Variants in EEA1 observed in about 807,000 individuals in gnomAD.
EEA1 encodes the protein early endosome antigen 1, 162kD.
EEA1 carries 111 observed loss-of-function variants against 209.2 expected under a neutral mutation model. The ratio of observed to expected loss-of-function variants is 0.53; its 90% CI spans 0.45 to 0.62. EEA1 has a LOEUF of 0.62. Ranked by LOEUF, EEA1 falls within the 20% of genes least tolerant of loss-of-function variation. EEA1 has a pLI of 0.00. For missense variants in EEA1, 1,343 were observed against 1,530.8 expected (o/e 0.88, Z 2.05); for synonymous variants, 536 against 540.6 (o/e 0.99, Z 0.12).
chr12:92,859,395 T>C, intron 3 of EEA1: 2 of 623,172 alleles, frequency 3.2e-6, no homozygotes, highest in South Asian at 4.0e-5. Context: ...TGATCAGTTG[T>C]AGTCACTCTA....
intron 9 of EEA1, among the ~76,000 whole-genome samples, chr12:92,843,838 G>A (rs1055853964): frequency 6.6e-6 from 1 of 151,964 alleles, no homozygotes; most frequent in Non-Finnish European, 1.5e-5. Flanking sequence ...TATTACAAAT[G>A]AGTGCTTTCA....
intron 10 of EEA1, among the ~76,000 whole-genome samples, chr12:92,839,088 C>T (rs1692671332): frequency 1.3e-5 from 2 of 152,186 alleles, no homozygotes; most frequent in Non-Finnish European, 2.9e-5. Flanking sequence ...GTATCCACCA[C>T]CATGAGCTTG....
intron 1 of EEA1, among the ~76,000 whole-genome samples, chr12:92,924,156 AAAC>A (rs909547591): frequency 6.6e-6 from 1 of 151,994 alleles, no homozygotes; most frequent in East Asian, 1.9e-4. Context: ...TAAACACCAA[AAAC>A]AACAACAAAA....
At position 92,864,713 on chromosome 12, in the gene EEA1, A is replaced by C. The variant is rs1434857408; in HGVS notation, c.245+147T>G. ...CAAGGATTGAATAGTTTTTAACAAT[A>C]GTGGAGGAAGGATATGCTAAATGAT... On this transcript the variant is annotated intron_variant, in intron 3 of 28. Transcript: ENST00000322349. The C allele has an allele frequency of 1.3e-5, 9 of 706,306 alleles. No homozygotes were observed. In the East Asian group the frequency reaches 3.2e-4, roughly 25 times the overall value. 43.8% of individuals were successfully genotyped at this position (706,306 alleles called of 1,614,324 possible).
In EEA1 at chr12:92,921,076, G is replaced by A. The variant is rs906620528; in HGVS notation, c.24+7967C>T. On this transcript the variant is annotated intron_variant, in intron 1 of 28. Coordinates refer to ENST00000322349, the MANE Select transcript of EEA1 (RefSeq NM_003566.4). ...ACCATCTCACACCAGTTAGAATGGC[G>A]ATCATTAAAAAGTCAGGAAACGAGA... is the stretch of plus-strand genomic sequence containing the variant. 5.6e-4 allele frequency among the ~76,000 whole-genome samples: 86 copies of A among 152,240 alleles called. 1 individual carries two copies. The highest frequency in any genetic ancestry group is 4.1e-4 in the South Asian group (2 of 4,822).
At chr12:92,788,092 A>C in intron 21 of EEA1, 43 bp from the exon 22 acceptor site, 1 of 1,418,210 alleles carries the variant, frequency 7.1e-7, no homozygotes, top group Admixed American at 2.7e-5. Context: ...GCATTCCAAA[A>C]ACCAATTACA....
intron 2 of EEA1, among the ~76,000 whole-genome samples, chr12:92,874,121 T>G (rs1480344167): frequency 6.6e-6 from 1 of 151,994 alleles, no homozygotes. Context: ...GAGACCTGCC[T>G]TGGCAACATG....
intron 1 of EEA1, among the ~76,000 whole-genome samples, chr12:92,898,731 CTTTTTTTTTTTTTTTT>C (rs772593153): frequency 6.6e-5 from 5 of 76,110 alleles, no homozygotes; most frequent in Non-Finnish European, 1.2e-4. Flanking sequence ...CTTTTTTTCC[CTTTTTTTTTTTTTTTT>C]TTTTTTTTTT....
intron 2 of EEA1, among the ~76,000 whole-genome samples, chr12:92,875,414 C>T (rs1232450432): frequency 1.3e-5 from 2 of 151,986 alleles, no homozygotes; most frequent in Non-Finnish European, 2.9e-5. Context: ...CCAGACTGGG[C>T]GACAGAGTGA....
intron 5 of EEA1, among the ~76,000 whole-genome samples, chr12:92,855,972 T>C (rs892211083): frequency 1.3e-5 from 2 of 152,242 alleles, no homozygotes; most frequent in Admixed American, 6.5e-5. Context: ...ACTCCTTTAA[T>C]GTTAACAGAA....
At chr12:92,891,033 T>C (rs958894756) in intron 2 of EEA1, among the ~76,000 whole-genome samples, 4 of 152,108 alleles carry the variant, frequency 2.6e-5, no homozygotes, top group Admixed American at 6.6e-5. Context: ...TATGGGTGAG[T>C]GTTATGTTCT....
At chr12:92,887,091 G>A (rs994912537) in intron 2 of EEA1, among the ~76,000 whole-genome samples, 1 of 151,990 alleles carries the variant, frequency 6.6e-6, no homozygotes, top group Non-Finnish European at 1.5e-5. Context: ...GAAAATTAAT[G>A]GCATATTAAA....
chr12:92,770,996 G>GGTGTGTGTGTGTGTGTGTGT lies in EEA1; in HGVS notation c.*4995_*5014dup, dbSNP rs57839500. ...ATAAAAATACTTTCTGGTTTTGATT[G>GGTGTGTGTGTGTGTGTGTGT]GTGTGTGTGTGTGTGTGTGTGTGTG... On this transcript the variant is annotated 3_prime_UTR_variant, in exon 29 of 29. Transcript: ENST00000322349. 1 of 150,264 alleles carries GGTGTGTGTGTGTGTGTGTGT rather than the reference G, an allele frequency of 6.7e-6. No individual in the cohort carries two copies. Among genetic ancestry groups the GGTGTGTGTGTGTGTGTGTGT allele is most frequent in the East Asian group, 1.9e-4 (1 of 5,130 alleles). The allele number at this position is 150,264 out of a possible 1,614,324, so 9.3% of individuals were successfully genotyped here. A position where few individuals can be genotyped will look rare whatever the true frequency, so the allele number is the denominator to read the frequency against.
At chr12:92,884,568 T>C (rs1391592594) in intron 2 of EEA1, 6 of 1,480,232 alleles carry the variant, frequency 4.1e-6, no homozygotes, top group Non-Finnish European at 5.6e-6. Context: ...TTTGGACCCA[T>C]GAAGGGAGGA....
At chr12:92,847,467 CAA>C (rs1877432586) in intron 9 of EEA1, among the ~76,000 whole-genome samples, 1 of 151,910 alleles carries the variant, frequency 6.6e-6, no homozygotes, top group Non-Finnish European at 1.5e-5. Context: ...AGCTAAAAAA[CAA>C]ATGCAGTTAT....
chr12:92,857,732 T>C (rs924328), intron 3 of EEA1, among the ~76,000 whole-genome samples: 39,221 of 152,084 alleles, frequency 0.26, 5,566 homozygotes, highest in Non-Finnish European at 0.32. Flanking sequence ...AACTGACTGT[T>C]AAGTGCCCAA....
intron 2 of EEA1, chr12:92,884,538 A>C (rs1879299117): frequency 5.4e-6 from 8 of 1,494,926 alleles, no homozygotes; most frequent in Admixed American, 1.7e-5. Flanking sequence ...TTTGGCAATT[A>C]CAACAATCAG....
At chr12:92,914,106 T>C (rs923479043) in intron 1 of EEA1, among the ~76,000 whole-genome samples, 2 of 152,138 alleles carry the variant, frequency 1.3e-5, no homozygotes, top group African/African-American at 4.8e-5. Flanking sequence ...GAATAAAGTA[T>C]CCTTTCCCCG....
chr12:92,883,564 T>G (rs891837793), intron 2 of EEA1, among the ~76,000 whole-genome samples: 1 of 152,222 alleles, frequency 6.6e-6, no homozygotes, highest in African/African-American at 2.4e-5. Context: ...AAATCTTTAA[T>G]CTATTTTGAG....
Sources: allele counts gnomAD v4.1 joint callset (sites outside exome capture counted in the v4.1 genomes callset), GRCh38; gene constraint gnomAD v4.1.1; transcripts MANE v1.5; gene names NCBI Gene and HGNC (gene_info 2026-07-23, HGNC 2026-07-21).